CDH4: variants seen among roughly 807,000 people sequenced by gnomAD.
CDH4 encodes cadherin-4.
Under a neutral mutation model 86.0 loss-of-function variants are expected in CDH4, and 33 were observed. The ratio of observed to expected loss-of-function variants is 0.38; its 90% CI spans 0.29 to 0.51. The LOEUF (loss-of-function observed/expected upper bound fraction) is 0.51. Ranked by LOEUF, CDH4 falls within the 20% of genes least tolerant of loss-of-function variation. The pLI, the probability that CDH4 is intolerant of heterozygous loss-of-function variation, is 0.86. For synonymous variants in CDH4, 555 were observed against 549.4 expected (o/e 1.01, Z -0.14); for missense variants, 1,114 against 1,307.4 (o/e 0.85, Z 2.28).
intron 3 of CDH4, among the ~76,000 whole-genome samples, chr20:61,765,369 C>T (rs1004046537): frequency 2.0e-5 from 3 of 152,176 alleles, no homozygotes; most frequent in African/African-American, 2.4e-5. Context: ...GGGCTCTGTT[C>T]GACCGATGGA....
chr20:61,552,470 T>G (rs1256174102), intron 2 of CDH4, among the ~76,000 whole-genome samples: 1 of 152,070 alleles, frequency 6.6e-6, no homozygotes, highest in African/African-American at 2.4e-5. Flanking sequence ...GAGTCCGAGG[T>G]GGGCGGATCA....
rs563531222 is a variant in CDH4, at chr20:61,890,368, A to G, written c.1051-4542A>G. ...GGATGTATGGATAGATGGATAATGG[A>G]TGGGTAAGCAGATGGTGGATGGTAG... On this transcript the variant is annotated intron_variant, in intron 7 of 15. Transcript: ENST00000614565. Among the ~76,000 whole-genome samples, 138 of 149,548 alleles carry G rather than the reference A, an allele frequency of 9.2e-4. 3 individuals carry two copies. The highest frequency in any genetic ancestry group is 9.1e-3 in the Admixed American group (137 of 15,044).
intron 2 of CDH4, among the ~76,000 whole-genome samples, chr20:61,545,439 C>T (rs13041613): frequency 0.2 from 30,483 of 152,180 alleles, 3,222 homozygotes; most frequent in East Asian, 0.34. Flanking sequence ...ACGGGAAGGA[C>T]GCTGACCCCG....
intron 2 of CDH4, among the ~76,000 whole-genome samples, chr20:61,343,957 G>A (rs2084663235): frequency 6.6e-6 from 1 of 152,120 alleles, no homozygotes; most frequent in Non-Finnish European, 1.5e-5. Flanking sequence ...AACTCCCTGA[G>A]AAACTGACTT....
intron 13 of CDH4, among the ~76,000 whole-genome samples, chr20:61,930,394 G>C (rs965503050): frequency 4.1e-5 from 6 of 147,928 alleles, no homozygotes; most frequent in Admixed American, 6.6e-5. Flanking sequence ...GAGGGCTGGC[G>C]GGGGGGCGGT....
At chr20:61,439,328 G>T (rs901478737) in intron 2 of CDH4, among the ~76,000 whole-genome samples, 1 of 148,690 alleles carries the variant, frequency 6.7e-6, no homozygotes. Context: ...GCTCAGAGGC[G>T]TCAAACAGCT....
chr20:61,524,776 C>T (rs1039256691), intron 2 of CDH4, among the ~76,000 whole-genome samples: 2 of 152,198 alleles, frequency 1.3e-5, no homozygotes, highest in African/African-American at 2.4e-5. Context: ...AGCTACCACA[C>T]CTGACCAACT....
chr20:61,445,777 T>C (rs2085346538), intron 2 of CDH4, among the ~76,000 whole-genome samples: 1 of 152,242 alleles, frequency 6.6e-6, no homozygotes, highest in Non-Finnish European at 1.5e-5. Flanking sequence ...TTGCGAGACC[T>C]TTCCCAGGAT....
chr20:61,835,533 C>T (rs925238275), intron 4 of CDH4, among the ~76,000 whole-genome samples: 1 of 151,930 alleles, frequency 6.6e-6, no homozygotes, highest in African/African-American at 2.4e-5. Context: ...TGGACACCTC[C>T]CAGAAGACGG....
At position 61,296,324 on chromosome 20, in the gene CDH4, CGTGT is replaced by C. The variant is rs140943090; in HGVS notation, c.169+41401_169+41404del. ...GTGGGTGCGTGTGTGTGCATGCGTGCGTGTGTGTGTGTGTGTGAGAGAGAGATCG... is the reference window on the plus strand; with the variant it reads ...GTGGGTGCGTGTGTGTGCATGCGTGCGTGTGTGTGTGTGAGAGAGAGATCG... On this transcript the variant is annotated intron_variant, in intron 2 of 15. Transcript: ENST00000614565. Among the ~76,000 whole-genome samples, 1,194 of 145,652 alleles carry C rather than the reference CGTGT, an allele frequency of 8.2e-3. 17 individuals carry two copies. Among genetic ancestry groups the C allele is most frequent in the African/African-American group, 0.029 (1,129 of 39,384 alleles).
chr20:61,666,597 C>T (rs1187897152), intron 2 of CDH4, among the ~76,000 whole-genome samples: 1 of 152,230 alleles, frequency 6.6e-6, no homozygotes, highest in South Asian at 2.1e-4. Context: ...CTAGGGCTCA[C>T]AGAGGCCACA....
intron 2 of CDH4, chr20:61,740,381 G>A (rs375837800): frequency 7.9e-5 from 12 of 152,158 alleles, no homozygotes; most frequent in African/African-American, 2.9e-4. Flanking sequence ...GTGTTCATAG[G>A]TACCCACATT....
At chr20:61,347,186 C>T (rs553730212) in intron 2 of CDH4, among the ~76,000 whole-genome samples, 5 of 152,366 alleles carry the variant, frequency 3.3e-5, no homozygotes, top group African/African-American at 9.6e-5. Context: ...AAAGTCATAG[C>T]CTCGTGCCCC....
chr20:61,664,156 C>A (rs2087295702), intron 2 of CDH4, among the ~76,000 whole-genome samples: 1 of 152,158 alleles, frequency 6.6e-6, no homozygotes, highest in African/African-American at 2.4e-5. Context: ...AGTGGAAATG[C>A]CTCCCTGCAC....
chr20:61,411,912 T>A (rs907008246), intron 2 of CDH4, among the ~76,000 whole-genome samples: 1 of 152,186 alleles, frequency 6.6e-6, no homozygotes. Context: ...AACAGGGGAC[T>A]GGGTGAGGCC....
rs2086265315 is a variant in CDH4, at chr20:61,565,193, T to TTGGTGATGGGGTGGTGG, written c.170-178365_170-178364insATGGGGTGGTGGTGGTG. 2.4e-4 allele frequency among the ~76,000 whole-genome samples: 20 copies of TTGGTGATGGGGTGGTGG among 83,524 alleles called. 3 individuals carry two copies. Among genetic ancestry groups the TTGGTGATGGGGTGGTGG allele is most frequent in the Admixed American group, 1.1e-3 (10 of 8,778 alleles). 54.8% of individuals were successfully genotyped at this position (83,524 alleles called of 152,430 possible). On this transcript the variant is annotated intron_variant, in intron 2 of 15. Coordinates refer to ENST00000614565, the MANE Select transcript of CDH4 (RefSeq NM_001794.5). ...TGGGGTGGTGGTGGTGGTGGTCCTC[T>TTGGTGATGGGGTGGTGG]TGGTGGTGGTCGCGGTGCTCTCGGT...
At chr20:61,302,208 A>G (rs999543385) in intron 2 of CDH4, among the ~76,000 whole-genome samples, 4 of 152,202 alleles carry the variant, frequency 2.6e-5, no homozygotes, top group Admixed American at 1.3e-4. Flanking sequence ...CCCTCACCAC[A>G]GGGCCGGTTT....
chr20:61,555,087 G>A (rs992943257), intron 2 of CDH4, among the ~76,000 whole-genome samples: 3 of 152,194 alleles, frequency 2.0e-5, no homozygotes, highest in Non-Finnish European at 4.4e-5. Flanking sequence ...CCATGGGAGT[G>A]CTCTTCCAGT....
intron 2 of CDH4, among the ~76,000 whole-genome samples, chr20:61,268,319 T>G (rs1241509697): frequency 1.3e-5 from 2 of 152,212 alleles, no homozygotes; most frequent in African/African-American, 4.8e-5. Context: ...GTCCTGCTCA[T>G]GTCTCGGAGC....
Sources: allele counts gnomAD v4.1 joint callset (sites outside exome capture counted in the v4.1 genomes callset), GRCh38; gene constraint gnomAD v4.1.1; transcripts MANE v1.5; gene names NCBI Gene and HGNC (gene_info 2026-07-23, HGNC 2026-07-21).